Variants in ATRNL1 observed in about 807,000 individuals in gnomAD.
The protein encoded by ATRNL1 is attractin-like protein 1.
A neutral mutation model predicts 182.7 loss-of-function variants in ATRNL1; 95 were observed. The ratio of observed to expected loss-of-function variants is 0.52; its 90% CI spans 0.44 to 0.62. The LOEUF (loss-of-function observed/expected upper bound fraction) is 0.62, where lower values mean the gene tolerates loss of function less well. Ranked by LOEUF, ATRNL1 falls within the 20% of genes least tolerant of loss-of-function variation. The pLI, the probability that ATRNL1 is intolerant of heterozygous loss-of-function variation, is 0.00. For missense variants in ATRNL1, 1,471 were observed against 1,679.5 expected (o/e 0.88, Z 2.17); for synonymous variants, 576 against 568.3 (o/e 1.01, Z -0.19).
chr10:115,445,888 G>A (rs1846962390), intron 21 of ATRNL1, among the ~76,000 whole-genome samples: 1 of 33,016 alleles, frequency 3.0e-5, no homozygotes, highest in Non-Finnish European at 6.3e-5. Context: ...CATTAGCACA[G>A]TATTTTTGAA....
chr10:115,832,484 T>A (rs920415260), intron 27 of ATRNL1, among the ~76,000 whole-genome samples: 2 of 152,222 alleles, frequency 1.3e-5, no homozygotes, highest in Non-Finnish European at 2.9e-5. Flanking sequence ...CTTCATTCCT[T>A]CAAATCTCAT....
In ATRNL1 at chr10:115,755,694, AG is replaced by A. The variant is rs199582243; in HGVS notation, c.3903+28342del. On this transcript the variant is annotated intron_variant, in intron 27 of 28. Coordinates refer to ENST00000355044, the MANE Select transcript of ATRNL1 (RefSeq NM_207303.4). ...TGATGCTGGCCTCATAAAATGAGTT[AG>A]GGAGGATTCCCTTTTTTTCTATTTT... Among the ~76,000 whole-genome samples the A allele has an allele frequency of 7.1e-3, 1,085 of 152,286 alleles. 13 individuals are homozygous for A. The highest frequency in any genetic ancestry group is 9.9e-3 in the Non-Finnish European group (676 of 68,022).
rs185028685 is a variant in ATRNL1 at position 115,410,734 on chromosome 10, A to G, written c.3270-15516A>G. 6.5e-3 allele frequency among the ~76,000 whole-genome samples: 986 copies of G among 152,140 alleles called. 10 individuals are homozygous for G. Among genetic ancestry groups the G allele is most frequent in the African/African-American group, 0.022 (932 of 41,448 alleles). ...TATATCTTTATATCTTCATTTAAAA[A>G]GAAATATTTTATTTTCAGAGACAGA... On this transcript the variant is annotated intron_variant, in intron 20 of 28. Coordinates refer to ENST00000355044, the MANE Select transcript of ATRNL1 (RefSeq NM_207303.4).
intron 20 of ATRNL1, among the ~76,000 whole-genome samples, chr10:115,410,519 C>T (rs1487649363): frequency 6.6e-6 from 1 of 151,778 alleles, no homozygotes; most frequent in Non-Finnish European, 1.5e-5. Context: ...TGCAGTTTCA[C>T]CATGTTGGCC....
At chr10:115,831,375 G>A (rs1418162855) in intron 27 of ATRNL1, among the ~76,000 whole-genome samples, 1 of 152,128 alleles carries the variant, frequency 6.6e-6, no homozygotes, top group African/African-American at 2.4e-5. Context: ...GAGAGAACTG[G>A]AGATCTAGAA....
chr10:115,511,448 C>G (rs981142645), intron 24 of ATRNL1, among the ~76,000 whole-genome samples: 1 of 151,938 alleles, frequency 6.6e-6, no homozygotes, highest in African/African-American at 2.4e-5. Flanking sequence ...AAGACCCTCT[C>G]TTTCCCTTCA....
intron 1 of ATRNL1, among the ~76,000 whole-genome samples, chr10:115,103,893 A>G (rs1250053904): frequency 1.3e-5 from 2 of 152,178 alleles, no homozygotes; most frequent in East Asian, 1.9e-4. Context: ...TTATGGCTGA[A>G]TAGTACTCCC....
rs1046333192 is a variant in ATRNL1 at position 115,461,998 on chromosome 10, A to T, written c.3380A>T (p.His1127Leu). 7 of 1,611,382 alleles carry T rather than the reference A, an allele frequency of 4.3e-6. No homozygotes were observed. Among genetic ancestry groups the T allele is most frequent in the Non-Finnish European group, 5.9e-6 (7 of 1,178,584 alleles). Residue 1127 changes from histidine to leucine, a missense_variant, in exon 22 of 29, where the codon CAC (histidine) becomes CTC (leucine). His to Leu is a moderately conservative substitution (Grantham distance 99). Around this residue, in one of 3 missense-constraint regions of ATRNL1, gnomAD observed 437 missense variants for 506.0 expected, o/e 0.86. Transcript: ENST00000355044. Reference protein sequence around the residue: ...TFSLLQEDDRHHTAINFIANP... With the variant: ...TFSLLQEDDRLHTAINFIANP... ...AGCTTATTACAGGAAGATGATCGCC[A>T]CCATACTGCCATAAACTTTATAGCA... is the stretch of plus-strand genomic sequence containing the variant.
At chr10:115,697,817 C>T (rs577813921) in intron 26 of ATRNL1, among the ~76,000 whole-genome samples, 38 of 152,196 alleles carry the variant, frequency 2.5e-4, no homozygotes, top group African/African-American at 9.2e-4. Context: ...GAAGACAGAG[C>T]CTCCTTTTGA....
chr10:115,886,034 TG>T (rs370069669), intron 28 of ATRNL1, among the ~76,000 whole-genome samples: 12 of 152,344 alleles, frequency 7.9e-5, no homozygotes, highest in African/African-American at 2.9e-4. Flanking sequence ...CTGTGCTGCG[TG>T]TCACTTTCAT....
At chr10:115,732,647 G>C (rs1296853828) in intron 27 of ATRNL1, among the ~76,000 whole-genome samples, 1 of 151,960 alleles carries the variant, frequency 6.6e-6, no homozygotes, top group Non-Finnish European at 1.5e-5. Context: ...GAGAGCTTCA[G>C]ACCTATGCTG....
chr10:115,338,549 A>G (rs1554937390), intron 19 of ATRNL1, among the ~76,000 whole-genome samples: 1 of 151,910 alleles, frequency 6.6e-6, no homozygotes, highest in Non-Finnish European at 1.5e-5. Context: ...CTCTTCAAAT[A>G]TTTTGCCCAC....
chr10:115,528,037 T>TCTTCCTTC (rs782541010), intron 25 of ATRNL1, among the ~76,000 whole-genome samples: 71 of 53,518 alleles, frequency 1.3e-3, no homozygotes, highest in African/African-American at 3.8e-3. Context: ...CTCCTTCCTT[T>TCTTCCTTC]CTTCCTTCCT....
intron 27 of ATRNL1, among the ~76,000 whole-genome samples, chr10:115,777,648 A>T (rs1314869845): frequency 6.6e-6 from 1 of 152,152 alleles, no homozygotes; most frequent in Non-Finnish European, 1.5e-5. Flanking sequence ...AACTGAATAT[A>T]CTGTTTTCAA....
chr10:115,423,708 G>T (rs1554962345), intron 20 of ATRNL1, among the ~76,000 whole-genome samples: 1 of 151,988 alleles, frequency 6.6e-6, no homozygotes, highest in African/African-American at 2.4e-5. Context: ...AAGTGATGCT[G>T]GGAAAAAGTT....
chr10:115,916,719 C>A (rs1459983183), intron 28 of ATRNL1, among the ~76,000 whole-genome samples: 1 of 152,112 alleles, frequency 6.6e-6, no homozygotes, highest in African/African-American at 2.4e-5. Flanking sequence ...ACATCCAACT[C>A]CCCAACTACT....
At chr10:115,208,088 C>T (rs1208060157) in intron 8 of ATRNL1, among the ~76,000 whole-genome samples, 2 of 151,932 alleles carry the variant, frequency 1.3e-5, no homozygotes, top group Non-Finnish European at 2.9e-5. Context: ...CTTCTGTAAT[C>T]TCTAATCTTG....
chr10:115,758,891 A>C (rs1029835708), intron 27 of ATRNL1, among the ~76,000 whole-genome samples: 12 of 152,232 alleles, frequency 7.9e-5, no homozygotes, highest in African/African-American at 2.9e-4. Context: ...ATAAATGTTA[A>C]AATACATTAG....
chr10:115,265,866 A>G (rs1429720656), intron 11 of ATRNL1, among the ~76,000 whole-genome samples: 1 of 151,820 alleles, frequency 6.6e-6, no homozygotes, highest in African/African-American at 2.4e-5. Context: ...ACAATCTGCT[A>G]GCTCATTTAG....
Sources: allele counts gnomAD v4.1 joint callset (sites outside exome capture counted in the v4.1 genomes callset), GRCh38; gene constraint gnomAD v4.1.1; regional missense constraint gnomAD v4.1.1; transcripts MANE v1.5; gene names NCBI Gene and HGNC (gene_info 2026-07-23, HGNC 2026-07-21).